The following TAOK3 variants were observed in gnomAD, a reference collection of about 807,000 sequenced individuals.
TAOK3 encodes TAO kinase 3.
In TAOK3, 40 loss-of-function variants were observed where a neutral mutation model predicts 120.4. The ratio of observed to expected loss-of-function variants is 0.33; its 90% CI spans 0.26 to 0.43. The LOEUF is 0.43. Among genes scored for constraint, TAOK3 ranks in the 20% least tolerant of loss-of-function variants. The pLI is 1.00. For synonymous variants in TAOK3, 355 were observed against 387.5 expected (o/e 0.92, Z 0.99); for missense variants, 821 against 1,112.1 (o/e 0.74, Z 3.72).
At chr12:118,271,838 TTTC>T (rs954762839) in intron 1 of TAOK3, among the ~76,000 whole-genome samples, 3 of 152,224 alleles carry the variant, frequency 2.0e-5, no homozygotes, top group African/African-American at 7.2e-5. Flanking sequence ...AAGAATATTT[TTTC>T]TTCTAAGAGG....
At chr12:118,166,969 G>A (rs946947083) in intron 17 of TAOK3, among the ~76,000 whole-genome samples, 1 of 152,196 alleles carries the variant, frequency 6.6e-6, no homozygotes, top group Middle Eastern at 3.4e-3. Context: ...TCTAATGGAA[G>A]TAGTATTGAC....
chr12:118,230,622 C>T (rs1000293023), intron 9 of TAOK3, among the ~76,000 whole-genome samples: 1 of 151,824 alleles, frequency 6.6e-6, no homozygotes, highest in Non-Finnish European at 1.5e-5. Flanking sequence ...GCACCCACCA[C>T]CACACCTGGC....
intron 15 of TAOK3, 106 bp from the exon 16 acceptor site, chr12:118,177,435 G>A: frequency 2.8e-6 from 2 of 712,534 alleles, no homozygotes; most frequent in South Asian, 3.0e-5. Flanking sequence ...CTAATAATGA[G>A]ACATTTTTGA....
At chr12:118,322,789 A>G (rs1486135379) in intron 1 of TAOK3, among the ~76,000 whole-genome samples, 1 of 143,098 alleles carries the variant, frequency 7.0e-6, no homozygotes, top group East Asian at 2.0e-4. Context: ...GCAGTGGCAC[A>G]ATCTCAGCTA....
chr12:118,348,532 G>A (rs927095982), intron 1 of TAOK3, among the ~76,000 whole-genome samples: 1 of 151,200 alleles, frequency 6.6e-6, no homozygotes, highest in Non-Finnish European at 1.5e-5. Flanking sequence ...CTCACTGCAA[G>A]CTCTGCCTCC....
chr12:118,351,171 T>C (rs1406652060), intron 1 of TAOK3, among the ~76,000 whole-genome samples: 2 of 152,078 alleles, frequency 1.3e-5, no homozygotes, highest in African/African-American at 4.8e-5. Context: ...AGAATAAAAC[T>C]CTGTCTCAAG....
At chr12:118,182,632 T>A (rs2036834553) in intron 14 of TAOK3, among the ~76,000 whole-genome samples, 1 of 144,832 alleles carries the variant, frequency 6.9e-6, no homozygotes, top group African/African-American at 2.5e-5. Flanking sequence ...TATTTTTTTT[T>A]TTTTTTAAGG....
chr12:118,261,483 C>G (rs1566029342), intron 2 of TAOK3: 1 of 152,206 alleles, frequency 6.6e-6, no homozygotes, highest in South Asian at 2.1e-4. Flanking sequence ...AGGATGTTTA[C>G]TCGCAACACT....
At chr12:118,227,940 C>A (rs989200967) in intron 9 of TAOK3, among the ~76,000 whole-genome samples, 11 of 152,024 alleles carry the variant, frequency 7.2e-5, no homozygotes, top group African/African-American at 2.7e-4. Flanking sequence ...TTCAATTATT[C>A]AATATTTAAA....
At chr12:118,232,869 C>T (rs1489647795) in intron 9 of TAOK3, among the ~76,000 whole-genome samples, 1 of 152,086 alleles carries the variant, frequency 6.6e-6, no homozygotes, top group African/African-American at 2.4e-5. Context: ...TGTGCCACTG[C>T]ACTCCAGCCT....
chr12:118,234,382 C>T (rs1254285440), intron 8 of TAOK3, among the ~76,000 whole-genome samples: 1 of 151,620 alleles, frequency 6.6e-6, no homozygotes, highest in Non-Finnish European at 1.5e-5. Context: ...GTAGCTGGGA[C>T]TACAGGCGCC....
chr12:118,350,476 T>C (rs375670966), intron 1 of TAOK3, among the ~76,000 whole-genome samples: 4 of 152,196 alleles, frequency 2.6e-5, no homozygotes, highest in African/African-American at 9.6e-5. Flanking sequence ...TTGTAATACC[T>C]AGCACCTAAC....
chr12:118,336,726 C>A (rs1204990372), intron 1 of TAOK3, among the ~76,000 whole-genome samples: 3 of 152,084 alleles, frequency 2.0e-5, no homozygotes, highest in Non-Finnish European at 2.9e-5. Context: ...TAAAAAATAT[C>A]AAAAACTCAA....
intron 2 of TAOK3, among the ~76,000 whole-genome samples, chr12:118,261,131 A>T (rs1419346586): frequency 6.6e-6 from 1 of 152,252 alleles, no homozygotes; most frequent in Non-Finnish European, 1.5e-5. Flanking sequence ...AACAGAAAAA[A>T]GACTAACAAA....
At chr12:118,151,206 G>T (rs370292800) in intron 20 of TAOK3, 48 bp from the exon 21 acceptor site, 40 of 1,591,998 alleles carry the variant, frequency 2.5e-5, no homozygotes, top group Middle Eastern at 1.7e-4. Flanking sequence ...CTCCTAACAG[G>T]CACCCACGTG....
chr12:118,241,940 G>A lies in TAOK3; in HGVS notation c.294+1475C>T, dbSNP rs402104. On this transcript the variant is annotated intron_variant, in intron 5 of 20. Transcript: ENST00000392533. ...AGCCTGACCAACATGGAGAAACCCC[G>A]TCTCTACTAAATACACAAAATTAGC... Among the ~76,000 whole-genome samples the A allele has an allele frequency of 3.9e-5, 6 of 152,062 alleles. No homozygotes were observed. In the South Asian group the frequency reaches 8.3e-4, roughly 21 times the overall value.
intron 9 of TAOK3, among the ~76,000 whole-genome samples, chr12:118,216,112 C>A (rs2038888761): frequency 6.6e-6 from 1 of 152,134 alleles, no homozygotes; most frequent in Admixed American, 6.5e-5. Context: ...GCAGAAGAAT[C>A]ACTTGAACCC....
chr12:118,161,765 C>T lies in TAOK3; in HGVS notation c.2139+23G>A. 6.2e-7 allele frequency: 1 copy of T among 1,613,588 alleles called. No homozygotes were observed. The highest frequency in any genetic ancestry group is 1.1e-5 in the South Asian group (1 of 91,014). ...GAGAAACCACTGATCTGGTCCAACACTGTCCAGCAGCACAAATCTTACCTT... is the reference window on the plus strand; with the variant it reads ...GAGAAACCACTGATCTGGTCCAACATTGTCCAGCAGCACAAATCTTACCTT... On this transcript the variant is annotated intron_variant, in intron 18 of 20. Coordinates refer to ENST00000392533, the MANE Select transcript of TAOK3 (RefSeq NM_016281.4). This position sits in a 1 kb window ranked among gnomAD's most constrained non-coding sequence, Gnocchi z 4.5.
intron 1 of TAOK3, among the ~76,000 whole-genome samples, chr12:118,290,626 C>G (rs1374139090): frequency 6.6e-6 from 1 of 152,160 alleles, no homozygotes; most frequent in South Asian, 2.1e-4. Flanking sequence ...AGTACAGTGG[C>G]CAGATCTCAG....
Sources: allele counts gnomAD v4.1 joint callset (sites outside exome capture counted in the v4.1 genomes callset), GRCh38; gene constraint gnomAD v4.1.1; non-coding constraint Gnocchi (gnomAD v3.1); transcripts MANE v1.5; gene names NCBI Gene and HGNC (gene_info 2026-07-23, HGNC 2026-07-21).